SDK2: variants seen among roughly 807,000 people sequenced by gnomAD.
SDK2 encodes the protein sidekick cell adhesion molecule 2.
In SDK2, 105 loss-of-function variants were observed where a neutral mutation model predicts 253.9. The ratio of observed to expected loss-of-function variants is 0.41; its 90% CI spans 0.35 to 0.49. The LOEUF (loss-of-function observed/expected upper bound fraction) is 0.49. Ranked by LOEUF, SDK2 falls within the 20% of genes least tolerant of loss-of-function variation. The pLI, the probability that SDK2 is intolerant of heterozygous loss-of-function variation, is 0.06. For synonymous variants in SDK2, 1,249 were observed against 1,234.9 expected, an observed-to-expected ratio of 1.01 and a Z score of -0.24; for missense variants, 2,608 against 3,003.0, an observed-to-expected ratio of 0.87 and a Z score of 3.07.
chr17:73,477,467 G>A (rs958405701), intron 2 of SDK2, among the ~76,000 whole-genome samples: 1 of 152,238 alleles, frequency 6.6e-6, no homozygotes, highest in African/African-American at 2.4e-5. Flanking sequence ...TTTCACTTCT[G>A]TTCTTTCTTA....
chr17:73,577,303 G>T (rs1205364255), intron 1 of SDK2, among the ~76,000 whole-genome samples: 1 of 152,196 alleles, frequency 6.6e-6, no homozygotes, highest in Non-Finnish European at 1.5e-5. Flanking sequence ...GAATCCATTG[G>T]CACCAAAGTT....
Position 73,570,629 on chromosome 17 carries a change from C to T in SDK2, c.65-63032G>A, listed in dbSNP as rs531184077. On this transcript the variant is annotated intron_variant, in intron 1 of 44. Transcript: ENST00000392650. The surrounding 1 kb of genome is among the most constrained non-coding windows in gnomAD (Gnocchi z 4.2). ...CACCACCATCAGCTCACCGCCATCT[C>T]GCAGCCACCCACAAAGGGCACTGCT... Among the ~76,000 whole-genome samples, 3 of 152,300 alleles carry T rather than the reference C, an allele frequency of 2.0e-5. No individual in the cohort carries two copies. The highest frequency in any genetic ancestry group is 2.1e-4 in the South Asian group (1 of 4,824).
At chr17:73,444,880 AC>A (rs1286688248) in intron 5 of SDK2, among the ~76,000 whole-genome samples, 2 of 152,300 alleles carry the variant, frequency 1.3e-5, no homozygotes, top group African/African-American at 4.8e-5. Context: ...AGGCCCTGTG[AC>A]CTGAACCACC....
chr17:73,637,914 C>T (rs1348490529), intron 1 of SDK2, among the ~76,000 whole-genome samples: 2 of 152,178 alleles, frequency 1.3e-5, no homozygotes, highest in Admixed American at 6.6e-5. Context: ...ATTCATCTGT[C>T]GGGCCAGAAT....
At chr17:73,472,022 C>T (rs762057645) in intron 3 of SDK2, 90 bp downstream of exon 3, 139 of 945,088 alleles carry the variant, frequency 1.5e-4, no homozygotes, top group African/African-American at 4.7e-4. Context: ...ATGGCCATGA[C>T]GGGATCTGGC....
intron 1 of SDK2, among the ~76,000 whole-genome samples, chr17:73,526,438 T>C (rs1023857056): frequency 6.6e-6 from 1 of 152,172 alleles, no homozygotes; most frequent in Non-Finnish European, 1.5e-5. Context: ...GGGAATAATG[T>C]ATTAATATCT....
intron 43 of SDK2, 113 bp from the exon 44 acceptor site, chr17:73,348,838 C>A: frequency 1.2e-6 from 1 of 819,894 alleles, no homozygotes; most frequent in Non-Finnish European, 1.9e-6. Flanking sequence ...CCACCCTGTG[C>A]TCCTCCTCCT....
intron 1 of SDK2, among the ~76,000 whole-genome samples, chr17:73,596,900 C>T (rs1376563268): frequency 5.9e-5 from 9 of 152,100 alleles, no homozygotes; most frequent in Non-Finnish European, 8.8e-5. Context: ...TTCGGAGTTG[C>T]CCGCTTGCTC....
intron 1 of SDK2, among the ~76,000 whole-genome samples, chr17:73,591,062 G>C (rs1355119082): frequency 1.3e-5 from 2 of 152,136 alleles, no homozygotes; most frequent in Admixed American, 1.3e-4. Flanking sequence ...TGGGACTACA[G>C]GCGCCTGCCA....
At chr17:73,592,312 T>A (rs1255849882) in intron 1 of SDK2, among the ~76,000 whole-genome samples, 1 of 152,184 alleles carries the variant, frequency 6.6e-6, no homozygotes, top group Non-Finnish European at 1.5e-5. Context: ...TGTGGCTGCA[T>A]TGCACCTGCC....
intron 22 of SDK2, among the ~76,000 whole-genome samples, chr17:73,398,820 A>C (rs2062994121): frequency 6.6e-6 from 1 of 152,138 alleles, no homozygotes; most frequent in Non-Finnish European, 1.5e-5. Flanking sequence ...CTAAATCAGA[A>C]TCAGAGTTTC....
chr17:73,598,953 T>C (rs1599714392), intron 1 of SDK2, among the ~76,000 whole-genome samples: 1 of 152,230 alleles, frequency 6.6e-6, no homozygotes, highest in East Asian at 1.9e-4. Flanking sequence ...GTGGAACCCT[T>C]TCTTTAAGTA....
At chr17:73,389,791 C>T (rs111880653) in intron 29 of SDK2, among the ~76,000 whole-genome samples, 1 of 152,304 alleles carries the variant, frequency 6.6e-6, no homozygotes, top group African/African-American at 2.4e-5. Context: ...GTTCTGTCAC[C>T]CAGGCTGGAG....
chr17:73,504,441 C>A (rs1336139463), intron 2 of SDK2: 1 of 146,088 alleles, frequency 6.8e-6, no homozygotes. Context: ...TCCTGGCTAA[C>A]ACGGTGAAAC....
intron 1 of SDK2, among the ~76,000 whole-genome samples, chr17:73,562,798 G>A (rs956785155): frequency 6.6e-6 from 1 of 152,346 alleles, no homozygotes; most frequent in South Asian, 2.1e-4. Flanking sequence ...GAAATGCCAC[G>A]TCTGCGTTTT....
Position 73,350,139 on chromosome 17 carries a change from G to A in SDK2, c.6038+98C>T, listed in dbSNP as rs570352966. 202 of 696,102 alleles carry A rather than the reference G, an allele frequency of 2.9e-4. 1 individual carries two copies. In the African/African-American group the frequency reaches 4.5e-3, roughly 15 times the overall value. The allele number at this position is 696,102 out of a possible 1,614,324, so 43.1% of individuals were successfully genotyped here. A position where few individuals can be genotyped will look rare whatever the true frequency, so the allele number is the denominator to read the frequency against. On this transcript the variant is annotated intron_variant, in intron 43 of 44. Coordinates refer to ENST00000392650, the MANE Select transcript of SDK2 (RefSeq NM_001144952.2). The stretch of plus-strand genomic sequence containing the variant: ...AATGGTGTTTCCCAGGACAAGGTAT[G>A]GCCAGGTGGGCACTCCCTGCTCTAT...
chr17:73,614,607 C>G (rs74644511), intron 1 of SDK2, among the ~76,000 whole-genome samples: 4,943 of 35,174 alleles, frequency 0.14, 937 homozygotes, highest in African/African-American at 0.23. Context: ...ATTGAAAAGG[C>G]GGAGGGAGGG....
intron 2 of SDK2, among the ~76,000 whole-genome samples, chr17:73,491,010 T>C (rs2063802787): frequency 6.6e-6 from 1 of 152,182 alleles, no homozygotes. Context: ...CCCAGTGGGC[T>C]TCTAGATTTT....
At chr17:73,599,712 A>G (rs558906478) in intron 1 of SDK2, among the ~76,000 whole-genome samples, 1 of 152,270 alleles carries the variant, frequency 6.6e-6, no homozygotes, top group South Asian at 2.1e-4. Flanking sequence ...CTCAAAATCC[A>G]TTCCACCACC....
Sources: allele counts gnomAD v4.1 joint callset (sites outside exome capture counted in the v4.1 genomes callset), GRCh38; gene constraint gnomAD v4.1.1; non-coding constraint Gnocchi (gnomAD v3.1); transcripts MANE v1.5; gene names NCBI Gene and HGNC (gene_info 2026-07-23, HGNC 2026-07-21).